ZNF608: variants seen among roughly 807,000 people sequenced by gnomAD.
ZNF608 encodes zinc finger protein 608, also known as renal carcinoma antigen NY-REN-36.
ZNF608 carries 12 observed loss-of-function variants against 109.0 expected under a neutral mutation model. The ratio of observed to expected loss-of-function variants is 0.11; its 90% CI spans 0.07 to 0.18. The LOEUF is 0.18. Ranked by LOEUF, ZNF608 falls within the 10% of genes least tolerant of loss-of-function variation. The probability of loss-of-function intolerance (pLI) is 1.00; values close to 1 mark genes in which losing one functional copy is unlikely to be tolerated. For synonymous variants in ZNF608, 732 were observed against 717.4 expected, an observed-to-expected ratio of 1.02 and a Z score of -0.33; for missense variants, 1,707 against 1,879.3, an observed-to-expected ratio of 0.91 and a Z score of 1.70.
rs776516292 is a variant in ZNF608, at chr5:124,637,853, C to A, written c.*47G>T. 4.4e-6 allele frequency: 7 copies of A among 1,599,798 alleles called. No individual in the cohort carries two copies. Among genetic ancestry groups the A allele is most frequent in the Non-Finnish European group, 5.1e-6 (6 of 1,172,972 alleles). ...ATGGAACTGATGTCTGTATAAAGCG[C>A]TTCCCCATGTGATCCAGTCACATGA... On this transcript the variant is annotated 3_prime_UTR_variant, in exon 10 of 10. Transcript: ENST00000513986.
intron 2 of ZNF608, among the ~76,000 whole-genome samples, chr5:124,715,370 T>A (rs1753650187): frequency 6.6e-6 from 1 of 152,236 alleles, no homozygotes; most frequent in South Asian, 2.1e-4. Context: ...TTATTTATTT[T>A]TACAAATGTG....
At chr5:124,708,129 C>G (rs2149860787) in intron 2 of ZNF608, 1 of 152,296 alleles carries the variant, frequency 6.6e-6, no homozygotes, top group South Asian at 2.1e-4. Flanking sequence ...AAGACCAAAG[C>G]TCTCTGATCT....
intron 8 of ZNF608, among the ~76,000 whole-genome samples, chr5:124,639,844 G>C (rs1237222147): frequency 1.3e-5 from 2 of 152,146 alleles, no homozygotes; most frequent in African/African-American, 4.8e-5. Context: ...ACCTAGGGAA[G>C]ATTACTGTCT....
chr5:124,691,352 T>C (rs537020410), intron 3 of ZNF608, among the ~76,000 whole-genome samples: 40 of 152,182 alleles, frequency 2.6e-4, no homozygotes, highest in African/African-American at 8.9e-4. Context: ...GGCCAACAAG[T>C]ATGTGTGAAG....
chr5:124,688,794 C>T (rs910873123), intron 3 of ZNF608, among the ~76,000 whole-genome samples: 2 of 152,106 alleles, frequency 1.3e-5, no homozygotes, highest in Non-Finnish European at 1.5e-5. Flanking sequence ...TTGGTGTGTC[C>T]ATTCCATGGA....
chr5:124,693,565 A>G (rs1478255247), intron 3 of ZNF608, among the ~76,000 whole-genome samples: 4 of 152,098 alleles, frequency 2.6e-5, no homozygotes, highest in Non-Finnish European at 2.9e-5. Context: ...TTTTAAACCT[A>G]TTGGTTCATT....
At chr5:124,638,302 G>C (rs547654899) in intron 9 of ZNF608, among the ~76,000 whole-genome samples, 1 of 151,112 alleles carries the variant, frequency 6.6e-6, no homozygotes, top group Non-Finnish European at 1.5e-5. Context: ...CATCACCTAG[G>C]CTGGAATGCA....
chr5:124,711,687 T>C (rs1304167112), intron 2 of ZNF608, among the ~76,000 whole-genome samples: 4 of 152,158 alleles, frequency 2.6e-5, no homozygotes, highest in South Asian at 2.1e-4. Flanking sequence ...GGTGGGGAGA[T>C]GAGCAGTGGC....
intron 2 of ZNF608, among the ~76,000 whole-genome samples, chr5:124,712,153 TA>T (rs1365966450): frequency 6.6e-6 from 1 of 151,396 alleles, no homozygotes. Flanking sequence ...TCACAAAACA[TA>T]AAAAAAGAAG....
In ZNF608 at chr5:124,669,544, C is replaced by T. The variant is rs115444790; in HGVS notation, c.1163-19847G>A. ...AACGCTATAGGCTGCAAGGCACTAG[C>T]TTATTCCAAATGTTAAGAATCAGCT... On this transcript the variant is annotated intron_variant, in intron 3 of 9. Coordinates refer to ENST00000513986, the MANE Select transcript of ZNF608 (RefSeq NM_020747.3). Among the ~76,000 whole-genome samples, 437 of 152,296 alleles carry T rather than the reference C, an allele frequency of 2.9e-3. 3 individuals carry two copies. The highest frequency in any genetic ancestry group is 8.7e-3 in the African/African-American group (363 of 41,558).
At chr5:124,737,120 T>A (rs1357316914) in intron 2 of ZNF608, among the ~76,000 whole-genome samples, 1 of 152,242 alleles carries the variant, frequency 6.6e-6, no homozygotes, top group African/African-American at 2.4e-5. Context: ...CACCATGCCA[T>A]CTGCTCTCTG....
intron 2 of ZNF608, among the ~76,000 whole-genome samples, chr5:124,742,923 C>T (rs571489020): frequency 6.6e-6 from 1 of 152,300 alleles, no homozygotes; most frequent in South Asian, 2.1e-4. Context: ...AACCATGCCA[C>T]AACCCACATG....
chr5:124,743,948 A>G (rs1749528971), intron 2 of ZNF608, 136 bp downstream of exon 2: 2 of 1,282,910 alleles, frequency 1.6e-6, no homozygotes, highest in Middle Eastern at 2.1e-4. Flanking sequence ...ATTTTAATAT[A>G]AAGGATGCAT....
rs765638945 is a variant in ZNF608 at position 124,638,945 on chromosome 5, T to A, written c.4532+188A>T. The stretch of plus-strand genomic sequence containing the variant: ...AGTTAATTACTAATCTATGTAACCC[T>A]TACAGAATGAGGTTCATGGAATTTA... On this transcript the variant is annotated intron_variant, in intron 9 of 9. Transcript: ENST00000513986. 28 of 804,742 alleles carry A rather than the reference T, an allele frequency of 3.5e-5. No individual in the cohort carries two copies. In the Middle Eastern group the frequency reaches 7.1e-4, roughly 20 times the overall value. The allele number at this position is 804,742 out of a possible 1,614,324, so 49.9% of individuals were successfully genotyped here. A position where few individuals can be genotyped will look rare whatever the true frequency, so the allele number is the denominator to read the frequency against.
intron 2 of ZNF608, chr5:124,710,160 G>T (rs745647663): frequency 2.2e-6 from 1 of 450,036 alleles, no homozygotes; most frequent in East Asian, 7.0e-5. Flanking sequence ...TCAGGGAAAG[G>T]TTAGAAGTCT....
rs1269958707 is a variant in ZNF608, at chr5:124,744,451, C to T, written c.539G>A (p.Gly180Glu). The change falls in exon 2 of 10, where the codon GGG becomes GAG. Residue 180 changes from glycine (G) to glutamate (E), a missense_variant. Physicochemically the swap from Gly to Glu is moderately conservative, Grantham distance 98. This residue lies in a region of ZNF608 where 407 missense variants were observed against 398.7 expected (regional missense o/e 1.02). Coordinates refer to ENST00000513986, the MANE Select transcript of ZNF608 (RefSeq NM_020747.3). The surrounding 1 kb of genome is among the most constrained non-coding windows in gnomAD (Gnocchi z 4.5). ...TSTSTSAATAGAGSCGKSKEE... is the reference protein window; with the variant it reads ...TSTSTSAATAEAGSCGKSKEE... ...TTTGCTTTTCCCACAGGAGCCTGCC[C>T]CCGCGGTGGCGGCAGAGGTGCTGGT... The T allele has an allele frequency of 1.2e-6, 2 of 1,614,222 alleles. No homozygotes were observed. Among genetic ancestry groups the T allele is most frequent in the African/African-American group, 1.3e-5 (1 of 75,050 alleles).
chr5:124,737,095 A>G (rs1022694543), intron 2 of ZNF608, among the ~76,000 whole-genome samples: 32 of 152,336 alleles, frequency 2.1e-4, no homozygotes, highest in African/African-American at 7.5e-4. Flanking sequence ...TTTAAGTAAA[A>G]TTATACGTCT....
intron 6 of ZNF608, 140 bp from the exon 7 acceptor site, chr5:124,643,823 A>C (rs1332706619): frequency 6.1e-6 from 5 of 824,542 alleles, no homozygotes; most frequent in Non-Finnish European, 9.2e-6. Context: ...CATCATCATT[A>C]AACTGTGTCT....
Position 124,648,017 on chromosome 5 carries a change from T to C in ZNF608, c.2367A>G (p.Gln789=). 2 of 1,614,134 alleles carry C rather than the reference T, an allele frequency of 1.2e-6. No homozygotes were observed. The highest frequency in any genetic ancestry group is 1.7e-6 in the Non-Finnish European group (2 of 1,180,022). ...GCTCTCCCATAATTGTGGGCTTTGG[T>C]TGAATGGGTTTTAACGGAGGACTCT... ...TPKSPPLKPI[Q]PKPTIMGEPI... is the part of the protein sequence containing the mutation. Residue 789 remains glutamine, a synonymous_variant, in exon 5 of 10, where the codon CAA becomes CAG. Coordinates refer to ENST00000513986, the MANE Select transcript of ZNF608 (RefSeq NM_020747.3).
Sources: gnomAD v4.1 joint callset for allele counts (sites outside exome capture counted in the v4.1 genomes callset) on GRCh38, gnomAD v4.1.1 for gene constraint, gnomAD v4.1.1 regional missense constraint, Gnocchi (gnomAD v3.1) non-coding constraint, MANE v1.5 for transcripts, NCBI Gene and HGNC (gene_info 2026-07-23, HGNC 2026-07-21) for gene names.